The following CPSF2 variants were observed in gnomAD, a reference collection of about 807,000 sequenced individuals.
The protein encoded by CPSF2 is cleavage and polyadenylation specific factor 2, also known as cleavage and polyadenylation specificity factor subunit 2.
CPSF2 carries 51 observed loss-of-function variants against 84.2 expected under a neutral mutation model. The observed-to-expected ratio is 0.61, with a 90% confidence interval of 0.48 to 0.77. CPSF2 has a LOEUF of 0.77. Ranked by LOEUF, CPSF2 falls within the 30% of genes least tolerant of loss-of-function variation. The pLI, the probability that CPSF2 is intolerant of heterozygous loss-of-function variation, is 0.00. For synonymous variants in CPSF2, 286 were observed against 311.9 expected, an observed-to-expected ratio of 0.92 and a Z score of 0.87; for missense variants, 641 against 929.4, an observed-to-expected ratio of 0.69 and a Z score of 4.03.
At chr14:92,142,412 G>T (rs915237441) in intron 8 of CPSF2, 61 bp downstream of exon 8, 4 of 1,303,190 alleles carry the variant, frequency 3.1e-6, no homozygotes, top group Non-Finnish European at 4.2e-6. Context: ...TGTGGAAGTG[G>T]GCGTCTTAAA....
At position 92,157,881 on chromosome 14, in the gene CPSF2, C is replaced by T. The variant is rs2069311743; in HGVS notation, c.1818C>T (p.Tyr606=). The part of the protein sequence containing the change: ...TVDATSETHI[Y]QVRLKDSLVS... ...ATGCCACTAGTGAAACTCACATCTA[C>T]CAGGTAAACATGCCAGGAGTTGCCA... Residue 606 remains tyrosine (Y), a synonymous_variant, in exon 13 of 16, where the codon TAC becomes TAT. Coordinates refer to ENST00000298875, the MANE Select transcript of CPSF2 (RefSeq NM_017437.3). This position sits in a 1 kb window ranked among gnomAD's most constrained non-coding sequence, Gnocchi z 4.0. 1 of 1,607,488 alleles carries T rather than the reference C, an allele frequency of 6.2e-7. No individual in the cohort carries two copies. The highest frequency in any genetic ancestry group is 8.5e-7 in the Non-Finnish European group (1 of 1,174,062).
In CPSF2 at chr14:92,165,853, T is replaced by G. The variant is rs937751733; in HGVS notation, c.*4109T>G. 7.6e-6 allele frequency: 1 copy of G among 131,784 alleles called. No homozygotes were observed. The highest frequency in any genetic ancestry group is 3.0e-5 in the African/African-American group (1 of 33,374). The allele number at this position is 131,784 out of a possible 1,614,324, so 8.2% of individuals were successfully genotyped here. A position where few individuals can be genotyped will look rare whatever the true frequency, so the allele number is the denominator to read the frequency against. On this transcript the variant is annotated 3_prime_UTR_variant, in exon 16 of 16. Transcript: ENST00000298875. ...TCAGTTCTTTGTGCTTGGTTTTATA[T>G]CTTTTTTTTTTTTTTTTTTTTTTTT...
In CPSF2 at chr14:92,157,088, T is replaced by C. The variant is rs1206590076; in HGVS notation, c.1595+457T>C. On this transcript the variant is annotated intron_variant, in intron 12 of 15. Transcript: ENST00000298875. This position sits in a 1 kb window ranked among gnomAD's most constrained non-coding sequence, Gnocchi z 4.0. ...TAGAAACCTTTTTTCTCCCGCTTTC[T>C]ACTTAGTTAAATAATACCAGTAAGT... Among the ~76,000 whole-genome samples the C allele has an allele frequency of 6.6e-6, 1 of 152,248 alleles. No individual in the cohort carries two copies. Among genetic ancestry groups the C allele is most frequent in the African/African-American group, 2.4e-5 (1 of 41,470 alleles).
intron 9 of CPSF2, among the ~76,000 whole-genome samples, chr14:92,145,773 A>G (rs1217285758): frequency 2.0e-5 from 3 of 152,120 alleles, no homozygotes; most frequent in South Asian, 2.1e-4. Context: ...AAAATAGACA[A>G]TGATGTTTAG....
rs931616225 is a variant in CPSF2 at position 92,171,287 on chromosome 14, A to G, written c.*9543A>G. ...ACTACAGGCATGCATCACCACACCC[A>G]GATTATTTTTAAAGTTTTTGTAGAA... On this transcript the variant is annotated 3_prime_UTR_variant, in exon 16 of 16. Transcript: ENST00000298875. 1 of 152,122 alleles carries G rather than the reference A, an allele frequency of 6.6e-6. No homozygotes were observed. Among genetic ancestry groups the G allele is most frequent in the African/African-American group, 2.4e-5 (1 of 41,418 alleles). 9.4% of individuals were successfully genotyped at this position (152,122 alleles called of 1,614,324 possible). A position where few individuals can be genotyped will look rare whatever the true frequency, so the allele number is the denominator to read the frequency against.
intron 14 of CPSF2, 54 bp from the exon 15 acceptor site, chr14:92,161,050 AGTACAGTT>A (rs2069364712): frequency 4.0e-6 from 6 of 1,489,186 alleles, no homozygotes; most frequent in Non-Finnish European, 5.5e-6. Flanking sequence ...TACTTTATTC[AGTACAGTT>A]GTATGTCTGG....
At chr14:92,142,026 T>C (rs2069085165) in intron 7 of CPSF2, 138 bp from the exon 8 acceptor site, 3 of 605,574 alleles carry the variant, frequency 5.0e-6, no homozygotes, top group Non-Finnish European at 8.3e-6. Context: ...ACAAAATTCC[T>C]TCATTTTGTA....
rs1340232297 is a variant in CPSF2 at position 92,143,297 on chromosome 14, A to G, written c.1140+3A>G. 2 of 1,578,186 alleles carry G rather than the reference A, an allele frequency of 1.3e-6. No homozygotes were observed. Among genetic ancestry groups the G allele is most frequent in the Non-Finnish European group, 1.7e-6 (2 of 1,154,700 alleles). On this transcript the variant is annotated splice_donor_region_variant and intron_variant, in intron 9 of 15. Coordinates refer to ENST00000298875, the MANE Select transcript of CPSF2 (RefSeq NM_017437.3). ...CTGAAAAAATTACAGAAATAGAGGT[A>G]AGCACTTGTATGTGAACTTTATCTT...
Position 92,157,761 on chromosome 14 carries a change from C to T in CPSF2, c.1698C>T (p.Gly566=). The change falls in exon 13 of 16, where the codon GGC becomes GGT. Residue 566 remains glycine (G), a synonymous_variant. Transcript: ENST00000298875. This position sits in a 1 kb window ranked among gnomAD's most constrained non-coding sequence, Gnocchi z 4.0. ...CACGACAGTTGATCATCGTCCATGGCCCACCAGAGGCCAGTCAAGATCTGG... is the reference window on the plus strand; with the variant it reads ...CACGACAGTTGATCATCGTCCATGGTCCACCAGAGGCCAGTCAAGATCTGG... ...MKPRQLIIVH[G]PPEASQDLAE... is the part of the protein sequence containing the mutation. The T allele has an allele frequency of 1.2e-6, 2 of 1,613,948 alleles. No individual in the cohort carries two copies. Among genetic ancestry groups the T allele is most frequent in the Non-Finnish European group, 1.7e-6 (2 of 1,179,896 alleles).
chr14:92,164,025 T>C lies in CPSF2; in HGVS notation c.*2281T>C, dbSNP rs75983373. 1,981 of 152,564 alleles carry C rather than the reference T, an allele frequency of 0.013. 68 individuals carry two copies. The highest frequency in any genetic ancestry group is 0.13 in the East Asian group (660 of 5,184). The allele number at this position is 152,564 out of a possible 1,614,324, so 9.5% of individuals were successfully genotyped here. A position where few individuals can be genotyped will look rare whatever the true frequency, so the allele number is the denominator to read the frequency against. ...GATTACAGGCGTGAGCCACTGCTCC[T>C]GGCCCAAGATCTGATGGTTTTGTAA... On this transcript the variant is annotated 3_prime_UTR_variant, in exon 16 of 16. Coordinates refer to ENST00000298875, the MANE Select transcript of CPSF2 (RefSeq NM_017437.3).
rs907501424 is a variant in CPSF2, at chr14:92,166,999, C to T, written c.*5255C>T. Reference sequence around the variant, plus strand: ...TCATGTGAGTTTAGATTCTGCTTATCGATTTCTTTTTTTTCTTTTTTTTTT... The same window carrying T: ...TCATGTGAGTTTAGATTCTGCTTATTGATTTCTTTTTTTTCTTTTTTTTTT... On this transcript the variant is annotated 3_prime_UTR_variant, in exon 16 of 16. Coordinates refer to ENST00000298875, the MANE Select transcript of CPSF2 (RefSeq NM_017437.3). 2 of 141,540 alleles carry T rather than the reference C, an allele frequency of 1.4e-5. No homozygotes were observed. The highest frequency in any genetic ancestry group is 5.3e-5 in the African/African-American group (2 of 37,828). The allele number at this position is 141,540 out of a possible 1,614,324, so 8.8% of individuals were successfully genotyped here.
chr14:92,138,229 T>C lies in CPSF2; in HGVS notation c.546-3T>C. On this transcript the variant is annotated splice_polypyrimidine_tract_variant and splice_region_variant and intron_variant, in intron 6 of 15. Transcript: ENST00000298875. The stretch of plus-strand genomic sequence containing the variant: ...ATATTCCTCTTCTTAAACTTTCTTA[T>C]AGCCATTTAAATGGATGTTCCCTGG... 5.4e-6 allele frequency: 8 copies of C among 1,490,594 alleles called. No homozygotes were observed. Among genetic ancestry groups the C allele is most frequent in the Non-Finnish European group, 7.4e-6 (8 of 1,083,000 alleles). 92.3% of individuals were successfully genotyped at this position (1,490,594 alleles called of 1,614,324 possible).
chr14:92,136,661 C>G (rs1003590683), intron 6 of CPSF2, among the ~76,000 whole-genome samples: 3 of 152,190 alleles, frequency 2.0e-5, no homozygotes, highest in African/African-American at 7.2e-5. Flanking sequence ...GCAGGGAGCT[C>G]TCTTCTTCTT....
chr14:92,156,091 C>T (rs772172726), intron 11 of CPSF2, among the ~76,000 whole-genome samples: 1 of 152,086 alleles, frequency 6.6e-6, no homozygotes, highest in Admixed American at 6.6e-5. Context: ...AGTTCAGGAC[C>T]AGCCTGGCCA....
intron 9 of CPSF2, among the ~76,000 whole-genome samples, chr14:92,146,086 AAAACC>A (rs2069140613): frequency 6.6e-6 from 1 of 152,242 alleles, no homozygotes; most frequent in Admixed American, 6.5e-5. Context: ...AATATGTACC[AAAACC>A]TACGTTAAGT....
intron 10 of CPSF2, among the ~76,000 whole-genome samples, chr14:92,154,710 G>T (rs73330063): frequency 0.018 from 2,694 of 152,288 alleles, 70 homozygotes; most frequent in African/African-American, 0.062. Flanking sequence ...TAATGATGGG[G>T]ACAGTTCTGA....
chr14:92,151,777 C>CT (rs2069221624), intron 9 of CPSF2, among the ~76,000 whole-genome samples: 1 of 152,056 alleles, frequency 6.6e-6, no homozygotes, highest in Non-Finnish European at 1.5e-5. Context: ...TGGCTCATGA[C>CT]TGTAATCCCA....
At chr14:92,152,491 T>C (rs2069233988) in intron 9 of CPSF2, among the ~76,000 whole-genome samples, 2 of 150,386 alleles carry the variant, frequency 1.3e-5, no homozygotes, top group Admixed American at 6.7e-5. Context: ...CAAGCTGGAG[T>C]GTAATGGTGC....
intron 7 of CPSF2, 144 bp from the exon 8 acceptor site, chr14:92,142,020 A>G: frequency 1.1e-5 from 6 of 567,304 alleles, no homozygotes; most frequent in Non-Finnish European, 1.5e-5. Context: ...ACCTGAACAA[A>G]ATTCCTTCAT....
Sources: allele counts gnomAD v4.1 joint callset (sites outside exome capture counted in the v4.1 genomes callset), GRCh38; gene constraint gnomAD v4.1.1; non-coding constraint Gnocchi (gnomAD v3.1); transcripts MANE v1.5; gene names NCBI Gene and HGNC (gene_info 2026-07-23, HGNC 2026-07-21).